The following ZNF254 variants were observed in gnomAD, a reference collection of about 807,000 sequenced individuals.
ZNF254 encodes the protein CTD-2017D11.1.
Under a neutral mutation model 12.4 loss-of-function variants are expected in ZNF254, and 10 were observed. The ratio of observed to expected loss-of-function variants is 0.80; its 90% CI spans 0.50 to 1.36. The LOEUF (loss-of-function observed/expected upper bound fraction) is 1.36, where lower values mean the gene tolerates loss of function less well. Among genes scored for constraint, ZNF254 ranks in the 40% most tolerant of loss-of-function variants. The probability of loss-of-function intolerance (pLI) is 0.00; values close to 1 mark genes in which losing one functional copy is unlikely to be tolerated. For missense variants in ZNF254, 996 were observed against 763.9 expected (o/e 1.30, Z -3.58); for synonymous variants, 305 against 253.4 (o/e 1.20, Z -1.93).
At chr19:24,066,019 T>C (rs1971257213) in intron 2 of ZNF254, 1 of 152,082 alleles carries the variant, frequency 6.6e-6, no homozygotes, top group Admixed American at 6.6e-5. Flanking sequence ...CTCTCCTCTT[T>C]TTTTCAGGCT....
intron 2 of ZNF254, among the ~76,000 whole-genome samples, chr19:24,062,087 C>CAAA (rs72097158): frequency 0.023 from 2,596 of 114,656 alleles, 55 homozygotes; most frequent in South Asian, 0.043. Context: ...CTCTGTCTCA[C>CAAA]AAAAAAAAAA....
At chr19:24,062,105 AAAAG>A (rs1045005345) in intron 2 of ZNF254, among the ~76,000 whole-genome samples, 5 of 149,282 alleles carry the variant, frequency 3.3e-5, no homozygotes, top group Admixed American at 1.3e-4. Context: ...AAAAAAAAGA[AAAAG>A]AAAAAGGAGT....
chr19:24,044,487 G>A (rs1165323748), intron 1 of ZNF254, among the ~76,000 whole-genome samples: 2 of 151,314 alleles, frequency 1.3e-5, no homozygotes, highest in African/African-American at 2.4e-5. Flanking sequence ...GCAGGGAGCC[G>A]AGATCGCGCC....
chr19:24,106,580 T>C lies in ZNF254; in HGVS notation c.190T>C (p.Cys64Arg), dbSNP rs1973353689. 3 of 1,584,212 alleles carry C rather than the reference T, an allele frequency of 1.9e-6. No homozygotes were observed. Among genetic ancestry groups the C allele is most frequent in the Non-Finnish European group, 2.6e-6 (3 of 1,163,314 alleles). Residue 64 changes from cysteine to arginine, a missense_variant, in exon 3 of 4, where the codon TGT (cysteine) becomes CGT (arginine). Transcript: ENST00000357002. ...TGTCTCTAAGCCAGACCTGATCACC[T>C]GTCTGGAACAAGGGAAAGAGCCCTG... ...IAVSKPDLIT[C>R]LEQGKEPWNM... is the part of the protein sequence containing the mutation.
At chr19:24,091,435 T>C (rs1446444779) in intron 1 of ZNF254, among the ~76,000 whole-genome samples, 1 of 152,200 alleles carries the variant, frequency 6.6e-6, no homozygotes, top group Non-Finnish European at 1.5e-5. Context: ...TTCCTTTTTT[T>C]AGCAGGGTAA....
chr19:24,098,293 G>T (rs768592901), intron 1 of ZNF254: 2 of 152,118 alleles, frequency 1.3e-5, no homozygotes, highest in Non-Finnish European at 2.9e-5. Context: ...TCACAAATTG[G>T]AATGCTGCTA....
Position 24,127,537 on chromosome 19 carries a change from A to G in ZNF254, c.1537A>G (p.Thr513Ala). The part of the protein sequence containing the change: ...STLTTHKIIH[T>A]GEKPYKCEEC... ...CCTTACTACACATAAGATAATTCAT[A>G]CTGGAGAGAAACCCTACAAATGTGA... Residue 513 changes from threonine (T) to alanine (A), a missense_variant, in exon 4 of 4, where the codon ACT becomes GCT. Coordinates refer to ENST00000357002, the MANE Select transcript of ZNF254 (RefSeq NM_203282.4). 3 of 1,613,650 alleles carry G rather than the reference A, an allele frequency of 1.9e-6. No individual in the cohort carries two copies. The highest frequency in any genetic ancestry group is 2.5e-6 in the Non-Finnish European group (3 of 1,179,852).
chr19:24,063,268 T>G (rs532918300), intron 2 of ZNF254, among the ~76,000 whole-genome samples: 4 of 152,234 alleles, frequency 2.6e-5, no homozygotes, highest in Non-Finnish European at 5.9e-5. Flanking sequence ...TTTCTACAAG[T>G]GTCATGTGAC....
chr19:24,087,824 G>C (rs1173057320), intron 1 of ZNF254, among the ~76,000 whole-genome samples: 4 of 151,928 alleles, frequency 2.6e-5, no homozygotes. Context: ...CATGGAAGGG[G>C]CCTGAAGAAA....
At chr19:24,062,288 T>G (rs1275655869) in intron 2 of ZNF254, among the ~76,000 whole-genome samples, 1 of 152,128 alleles carries the variant, frequency 6.6e-6, no homozygotes, top group Non-Finnish European at 1.5e-5. Flanking sequence ...AGGATTGTCA[T>G]CCTCACACAT....
intron 2 of ZNF254, among the ~76,000 whole-genome samples, chr19:24,055,285 C>CTT (rs1197353252): frequency 3.2e-5 from 4 of 126,828 alleles, no homozygotes; most frequent in Non-Finnish European, 6.6e-5. Context: ...TTTTCTTTTT[C>CTT]TTTTTTTCTT....
At chr19:24,101,765 A>T (rs1362163919) in intron 1 of ZNF254, among the ~76,000 whole-genome samples, 16 of 152,220 alleles carry the variant, frequency 1.1e-4, no homozygotes, top group Admixed American at 1.0e-3. Context: ...AAATGCTCTC[A>T]CAATCACCTA....
chr19:24,060,036 T>C (rs933817770), intron 2 of ZNF254, among the ~76,000 whole-genome samples: 1 of 152,154 alleles, frequency 6.6e-6, no homozygotes, highest in African/African-American at 2.4e-5. Flanking sequence ...AATGTTTCTC[T>C]CCTGCCTGAG....
At chr19:24,055,998 C>T (rs1320384270) in intron 2 of ZNF254, among the ~76,000 whole-genome samples, 1 of 152,176 alleles carries the variant, frequency 6.6e-6, no homozygotes, top group African/African-American at 2.4e-5. Context: ...AGTGATCTGA[C>T]TCTCTTGCCT....
chr19:24,099,995 A>G (rs1972912405), intron 1 of ZNF254, among the ~76,000 whole-genome samples: 1 of 152,224 alleles, frequency 6.6e-6, no homozygotes, highest in African/African-American at 2.4e-5. Flanking sequence ...TTAGTCTTCC[A>G]GTCAACTCAC....
chr19:24,038,986 G>T (rs1970062475), intron 1 of ZNF254, among the ~76,000 whole-genome samples: 1 of 152,166 alleles, frequency 6.6e-6, no homozygotes, highest in African/African-American at 2.4e-5. Context: ...TATGCATGTG[G>T]CAAGGGTGCC....
rs1327517260 is a variant in ZNF254 at position 24,127,162 on chromosome 19, A to G, written c.1162A>G (p.Lys388Glu). The G allele has an allele frequency of 4.3e-6, 7 of 1,613,510 alleles. No homozygotes were observed. Among genetic ancestry groups the G allele is most frequent in the Admixed American group, 1.7e-5 (1 of 59,866 alleles). Reference sequence around the variant, plus strand: ...ATGCTTAGAATGTGGCAAAGCTTTTAAGCAACTCTCAACTCTTACTACACA... The same window carrying G: ...ATGCTTAGAATGTGGCAAAGCTTTTGAGCAACTCTCAACTCTTACTACACA... ...YKCLECGKAF[K>E]QLSTLTTHKI... The change falls in exon 4 of 4, where the codon AAG becomes GAG. Residue 388 changes from lysine to glutamate, a missense_variant. Physicochemically the swap from Lys to Glu is moderately conservative, Grantham distance 56. Coordinates refer to ENST00000357002, the MANE Select transcript of ZNF254 (RefSeq NM_203282.4).
intron 2 of ZNF254, among the ~76,000 whole-genome samples, chr19:24,056,000 C>G (rs62114778): frequency 0.15 from 22,585 of 152,184 alleles, 1,932 homozygotes; most frequent in Middle Eastern, 0.23. Flanking sequence ...TGATCTGACT[C>G]TCTTGCCTAA....
chr19:24,090,739 C>CCT (rs939553057), intron 1 of ZNF254, among the ~76,000 whole-genome samples: 1 of 152,054 alleles, frequency 6.6e-6, no homozygotes, highest in African/African-American at 2.4e-5. Flanking sequence ...GCCCAGCTCA[C>CCT]CTCGGTTTTT....
Sources: gnomAD v4.1 joint callset for allele counts (sites outside exome capture counted in the v4.1 genomes callset) on GRCh38, gnomAD v4.1.1 for gene constraint, MANE v1.5 for transcripts, NCBI Gene and HGNC (gene_info 2026-07-23, HGNC 2026-07-21) for gene names.